Variants in BCL11A observed in about 807,000 individuals in gnomAD.
The protein encoded by BCL11A is B cell CLL/lymphoma 11A.
A neutral mutation model predicts 55.9 loss-of-function variants in BCL11A; 2 were observed. The ratio of observed to expected loss-of-function variants is 0.04; its 90% CI spans 0.01 to 0.11. The LOEUF (loss-of-function observed/expected upper bound fraction) is 0.11. Among genes scored for constraint, BCL11A ranks in the 10% least tolerant of loss-of-function variants. BCL11A has a pLI of 1.00. For missense variants in BCL11A, 817 were observed against 1,137.1 expected (o/e 0.72, Z 4.05); for synonymous variants, 465 against 473.4 (o/e 0.98, Z 0.23).
At chr2:60,476,146 G>C (rs527741218) in intron 2 of BCL11A, among the ~76,000 whole-genome samples, 7 of 152,274 alleles carry the variant, frequency 4.6e-5, no homozygotes, top group Non-Finnish European at 2.9e-5. Flanking sequence ...ACCTTGACCT[G>C]GATGAGGAGG....
intron 2 of BCL11A, among the ~76,000 whole-genome samples, chr2:60,520,857 G>C (rs539102318): frequency 2.6e-5 from 4 of 151,986 alleles, no homozygotes; most frequent in African/African-American, 9.7e-5. Context: ...GGTTCCCACC[G>C]GTGTTTTCGT....
Position 60,461,996 on chromosome 2 carries a change from T to C in BCL11A, c.916A>G (p.Met306Val), listed in dbSNP as rs1676333092. 3 of 1,613,392 alleles carry C rather than the reference T, an allele frequency of 1.9e-6. No homozygotes were observed. Among genetic ancestry groups the C allele is most frequent in the Admixed American group, 1.7e-5 (1 of 59,970 alleles). ...TCCATGGCGGGAGGCTCCATAGCCATTGGATTCAACCGCAGCACCCTGTCA... is the reference window on the plus strand; with the variant it reads ...TCCATGGCGGGAGGCTCCATAGCCACTGGATTCAACCGCAGCACCCTGTCA... ...AFDRVLRLNP[M>V]AMEPPAMDFS... Residue 306 changes from methionine to valine, a missense_variant, in exon 4 of 4, where the codon ATG becomes GTG. Physicochemically the swap from Met to Val is conservative, Grantham distance 21. This residue lies in a region of BCL11A where 363 missense variants were observed against 486.6 expected (regional missense o/e 0.75). Coordinates refer to ENST00000642384, the MANE Select transcript of BCL11A (RefSeq NM_022893.4).
chr2:60,471,315 T>C (rs918402684), intron 2 of BCL11A, among the ~76,000 whole-genome samples: 4 of 152,224 alleles, frequency 2.6e-5, no homozygotes, highest in Non-Finnish European at 5.9e-5. Context: ...AAGCACACTG[T>C]CTTTGTGAGA....
chr2:60,549,351 T>A (rs996610206), intron 1 of BCL11A, among the ~76,000 whole-genome samples: 2 of 152,152 alleles, frequency 1.3e-5, no homozygotes, highest in African/African-American at 4.8e-5. Context: ...GAAAGGGAGA[T>A]GTGTCTTCAA....
At chr2:60,532,683 C>T (rs1313077498) in intron 2 of BCL11A, among the ~76,000 whole-genome samples, 1 of 152,184 alleles carries the variant, frequency 6.6e-6, no homozygotes, top group African/African-American at 2.4e-5. Context: ...AACAGTTTGC[C>T]ACAGTGAGAT....
In BCL11A at chr2:60,460,892, G is replaced by T. The variant is rs960633719; in HGVS notation, c.2020C>A (p.Leu674Ile). Residue 674 changes from leucine to isoleucine, a missense_variant, in exon 4 of 4, where the codon CTT becomes ATT. Physicochemically the swap from Leu to Ile is conservative, Grantham distance 5. Transcript: ENST00000642384. Reference sequence around the variant, plus strand: ...GATTGTCTGGAGTCTCCGAAGCTAAGGAAGGGATCTTTGAGCTGCCTGGAG... The same window carrying T: ...GATTGTCTGGAGTCTCCGAAGCTAATGAAGGGATCTTTGAGCTGCCTGGAG... The part of the protein sequence containing the change: ...AASRQLKDPF[L>I]SFGDSRQSPF... 1 of 1,613,266 alleles carries T rather than the reference G, an allele frequency of 6.2e-7. No homozygotes were observed. Among genetic ancestry groups the T allele is most frequent in the Non-Finnish European group, 8.5e-7 (1 of 1,180,040 alleles).
At chr2:60,505,081 G>C (rs114868408) in intron 2 of BCL11A, among the ~76,000 whole-genome samples, 1,749 of 152,032 alleles carry the variant, frequency 0.012, 28 homozygotes, top group African/African-American at 0.04. Flanking sequence ...CCTTTCTCCT[G>C]CCTCTTCACA....
Position 60,459,413 on chromosome 2 carries a change from C to G in BCL11A, c.*991G>C, listed in dbSNP as rs1676109836. ...AAAAAAAATAAAACTTTGGGCAAAA[C>G]AGCCCATTTCTTTTAAGCTCTCACC... On this transcript the variant is annotated 3_prime_UTR_variant, in exon 4 of 4. Coordinates refer to ENST00000642384, the MANE Select transcript of BCL11A (RefSeq NM_022893.4). 2 of 1,021,894 alleles carry G rather than the reference C, an allele frequency of 2.0e-6. No individual in the cohort carries two copies. The highest frequency in any genetic ancestry group is 4.6e-5 in the South Asian group (1 of 21,608). The allele number at this position is 1,021,894 out of a possible 1,614,324, so 63.3% of individuals were successfully genotyped here.
At chr2:60,516,361 C>T (rs912007354) in intron 2 of BCL11A, among the ~76,000 whole-genome samples, 4 of 152,216 alleles carry the variant, frequency 2.6e-5, no homozygotes, top group African/African-American at 9.6e-5. Context: ...CTCCGCTCTT[C>T]CAAAACCTTT....
chr2:60,458,791 C>T lies in BCL11A; in HGVS notation c.*1613G>A. On this transcript the variant is annotated 3_prime_UTR_variant, in exon 4 of 4. Coordinates refer to ENST00000642384, the MANE Select transcript of BCL11A (RefSeq NM_022893.4). ...TGTATCTCTGATTAGAGAAAAGATA[C>T]AGATATCACAGGCAGAGTCAAGTGC... The T allele has an allele frequency of 9.7e-7, 1 of 1,030,234 alleles. No individual in the cohort carries two copies. The highest frequency in any genetic ancestry group is 4.6e-5 in the South Asian group (1 of 21,632). The allele number at this position is 1,030,234 out of a possible 1,614,324, so 63.8% of individuals were successfully genotyped here.
At chr2:60,538,181 T>C (rs1043646795) in intron 2 of BCL11A, 3 of 152,222 alleles carry the variant, frequency 2.0e-5, no homozygotes, top group African/African-American at 7.2e-5. Context: ...CATCTCACCT[T>C]TAGGTATATA....
At chr2:60,503,979 C>T (rs926664535) in intron 2 of BCL11A, among the ~76,000 whole-genome samples, 2 of 152,142 alleles carry the variant, frequency 1.3e-5, no homozygotes, top group South Asian at 4.1e-4. Context: ...GAATGAAAGA[C>T]ACTGAGTATT....
Position 60,461,712 on chromosome 2 carries a change from C to A in BCL11A, c.1200G>T (p.Thr400=). The part of the protein sequence containing the change: ...SNLVVHRRSH[T]GEKPYKCNLC... The stretch of plus-strand genomic sequence containing the variant: ...GGTTGCACTTGTAGGGCTTCTCGCC[C>A]GTGTGGCTGCGCCGGTGCACCACCA... The change falls in exon 4 of 4, where the codon ACG becomes ACT. Residue 400 remains threonine, a synonymous_variant. Transcript: ENST00000642384. The A allele has an allele frequency of 6.2e-7, 1 of 1,613,578 alleles. No homozygotes were observed. The highest frequency in any genetic ancestry group is 1.7e-4 in the Middle Eastern group (1 of 6,060).
rs566883246 is a variant in BCL11A at position 60,489,460 on chromosome 2, G to A, written c.386-20627C>T. On this transcript the variant is annotated intron_variant, in intron 2 of 3. Coordinates refer to ENST00000642384, the MANE Select transcript of BCL11A (RefSeq NM_022893.4). Reference sequence around the variant, plus strand: ...GGCAGTAAACACACGGCGGCCCTGCGTGCCATTAAAATAGCTGCCTCATCA... The same window carrying A: ...GGCAGTAAACACACGGCGGCCCTGCATGCCATTAAAATAGCTGCCTCATCA... Among the ~76,000 whole-genome samples, 10 of 152,276 alleles carry A rather than the reference G, an allele frequency of 6.6e-5. No homozygotes were observed. The South Asian group carries it at 1.2e-3, about 19-fold the overall frequency.
chr2:60,470,224 AC>A (rs1419198618), intron 2 of BCL11A, among the ~76,000 whole-genome samples: 1 of 152,138 alleles, frequency 6.6e-6, no homozygotes, highest in Non-Finnish European at 1.5e-5. Context: ...ATCTACAGAG[AC>A]ATTTCATCCT....
At chr2:60,507,231 GAA>G (rs1679653721) in intron 2 of BCL11A, among the ~76,000 whole-genome samples, 1 of 57,164 alleles carries the variant, frequency 1.7e-5, no homozygotes, top group Non-Finnish European at 3.1e-5. Context: ...AGGAAGGAAG[GAA>G]GGGAGGGAGG....
intron 2 of BCL11A, among the ~76,000 whole-genome samples, chr2:60,477,130 G>A (rs1350535866): frequency 6.6e-6 from 1 of 152,148 alleles, no homozygotes; most frequent in Non-Finnish European, 1.5e-5. Context: ...CCACACTTGC[G>A]TTTCTCCCAG....
chr2:60,549,025 C>T (rs974540989), intron 1 of BCL11A, among the ~76,000 whole-genome samples: 11 of 152,234 alleles, frequency 7.2e-5, no homozygotes, highest in African/African-American at 2.7e-4. Context: ...ACAATACCAA[C>T]ATTTCTAAGC....
intron 2 of BCL11A, among the ~76,000 whole-genome samples, chr2:60,480,136 AG>A (rs1486375008): frequency 1.3e-5 from 2 of 151,214 alleles, no homozygotes; most frequent in African/African-American, 4.9e-5. Context: ...GACAGCGAGG[AG>A]GGGGGAAGGT....
Sources: allele counts gnomAD v4.1 joint callset (sites outside exome capture counted in the v4.1 genomes callset), GRCh38; gene constraint gnomAD v4.1.1; regional missense constraint gnomAD v4.1.1; transcripts MANE v1.5; gene names NCBI Gene and HGNC (gene_info 2026-07-23, HGNC 2026-07-21).